Variants in PDE1C observed in about 807,000 individuals in gnomAD.
PDE1C encodes the protein dual specificity calcium/calmodulin-dependent 3',5'-cyclic nucleotide phosphodiesterase 1C.
PDE1C carries 62 observed loss-of-function variants against 93.1 expected under a neutral mutation model. That is an observed-to-expected ratio of 0.67 (90% confidence interval 0.54 to 0.82). The LOEUF (loss-of-function observed/expected upper bound fraction) is 0.82. PDE1C is among the 40% of genes least tolerant of loss of function. The pLI is 0.00. For missense variants in PDE1C, 742 were observed against 884.6 expected (o/e 0.84, Z 2.04); for synonymous variants, 325 against 310.1 (o/e 1.05, Z -0.50).
At chr7:31,900,413 AC>A in intron 2 of PDE1C, among the ~76,000 whole-genome samples, 1 of 122,424 alleles carries the variant, frequency 8.2e-6, no homozygotes, top group South Asian at 2.3e-4. Context: ...ATTCCTGGCT[AC>A]CTTTTTTTTT....
At chr7:32,182,875 T>C (rs1803542187) in intron 2 of PDE1C, among the ~76,000 whole-genome samples, 1 of 152,180 alleles carries the variant, frequency 6.6e-6, no homozygotes, top group Non-Finnish European at 1.5e-5. Flanking sequence ...TGTTTGCAGA[T>C]GACAAGATTG....
At chr7:32,105,709 T>A (rs1472966580) in intron 3 of PDE1C, among the ~76,000 whole-genome samples, 1 of 151,802 alleles carries the variant, frequency 6.6e-6, no homozygotes, top group Non-Finnish European at 1.5e-5. Flanking sequence ...GACTTTTTTT[T>A]TTTTTTTTGT....
intron 3 of PDE1C, among the ~76,000 whole-genome samples, chr7:32,151,904 A>G (rs1261898116): frequency 6.6e-6 from 1 of 152,198 alleles, no homozygotes; most frequent in Non-Finnish European, 1.5e-5. Context: ...AGTTTTTTCT[A>G]CGTCATTTAT....
At chr7:32,417,232 C>A (rs1244560002) in intron 1 of PDE1C, among the ~76,000 whole-genome samples, 1 of 151,786 alleles carries the variant, frequency 6.6e-6, no homozygotes, top group Non-Finnish European at 1.5e-5. Flanking sequence ...TGGTACAAAG[C>A]ATGAGTGAAT....
the PDE1C span, among the ~76,000 whole-genome samples, chr7:31,617,733 A>ATACTC: frequency 6.6e-6 from 1 of 152,196 alleles, no homozygotes; most frequent in Non-Finnish European, 1.5e-5. Context: ...TTTAAGGATA[A>ATACTC]TACTCTACCT....
chr7:32,021,010 T>C (rs956097461), intron 2 of PDE1C, among the ~76,000 whole-genome samples: 1 of 152,092 alleles, frequency 6.6e-6, no homozygotes, highest in Admixed American at 6.6e-5. Context: ...AGTGCTAGCA[T>C]ATGAGGTAGC....
chr7:32,209,943 G>T (rs577541276), intron 1 of PDE1C, among the ~76,000 whole-genome samples: 1 of 152,194 alleles, frequency 6.6e-6, no homozygotes, highest in African/African-American at 2.4e-5. Context: ...GCATCGAAAT[G>T]AATCTGGTTT....
chr7:31,769,581 C>T (rs1284959539), intron 17 of PDE1C, among the ~76,000 whole-genome samples: 3 of 152,128 alleles, frequency 2.0e-5, no homozygotes, highest in Non-Finnish European at 2.9e-5. Flanking sequence ...GTCTATCTTC[C>T]ATGCTTTTAA....
intron 1 of PDE1C, among the ~76,000 whole-genome samples, chr7:32,416,779 T>A (rs1253403127): frequency 6.6e-6 from 1 of 152,070 alleles, no homozygotes; most frequent in East Asian, 1.9e-4. Flanking sequence ...GTGAAGAGTC[T>A]GGGGGTCAAG....
chr7:32,403,910 A>G (rs1056269078), intron 1 of PDE1C, among the ~76,000 whole-genome samples: 1 of 152,110 alleles, frequency 6.6e-6, no homozygotes, highest in Non-Finnish European at 1.5e-5. Context: ...TTTTTATTTC[A>G]AGGACAGTGA....
At chr7:31,799,052 G>A (rs879594564) in intron 16 of PDE1C, among the ~76,000 whole-genome samples, 1 of 151,622 alleles carries the variant, frequency 6.6e-6, no homozygotes, top group Non-Finnish European at 1.5e-5. Flanking sequence ...CTGGAATACA[G>A]GTGTCCATGC....
intron 3 of PDE1C, among the ~76,000 whole-genome samples, chr7:32,078,455 G>T (rs1257832777): frequency 2.0e-5 from 3 of 152,152 alleles, no homozygotes; most frequent in Non-Finnish European, 4.4e-5. Flanking sequence ...CTTGAAGAAA[G>T]GAGGTCTCTT....
At chr7:31,951,089 A>T (rs1431427620) in intron 2 of PDE1C, among the ~76,000 whole-genome samples, 1 of 152,116 alleles carries the variant, frequency 6.6e-6, no homozygotes, top group Admixed American at 6.5e-5. Flanking sequence ...GTACATATCC[A>T]TTCCCAGTGT....
At chr7:31,718,284 G>C in the PDE1C span, among the ~76,000 whole-genome samples, 2 of 152,008 alleles carry the variant, frequency 1.3e-5, no homozygotes, top group Non-Finnish European at 2.9e-5. Flanking sequence ...CCGGGAGGAA[G>C]GCTTGGAAAA....
At chr7:32,313,684 A>G (rs1783104591) in intron 1 of PDE1C, among the ~76,000 whole-genome samples, 1 of 146,778 alleles carries the variant, frequency 6.8e-6, no homozygotes, top group African/African-American at 2.5e-5. Context: ...GTTCTCACTC[A>G]TAGGTGGGAA....
At chr7:32,318,269 C>A (rs956252010) in intron 1 of PDE1C, among the ~76,000 whole-genome samples, 4 of 152,146 alleles carry the variant, frequency 2.6e-5, no homozygotes, top group Admixed American at 2.6e-4. Flanking sequence ...AGAATCCAAA[C>A]CAAACCCCCC....
At chr7:32,151,598 C>A in intron 3 of PDE1C, among the ~76,000 whole-genome samples, 1 of 152,150 alleles carries the variant, frequency 6.6e-6, no homozygotes, top group Non-Finnish European at 1.5e-5. Context: ...ACATAGATGG[C>A]TTTTTAAGTA....
At chr7:31,633,570 A>C in the PDE1C span, among the ~76,000 whole-genome samples, 1 of 152,234 alleles carries the variant, frequency 6.6e-6, no homozygotes, top group East Asian at 1.9e-4. Context: ...GGTCTGAACA[A>C]TTCACACTAC....
In PDE1C at chr7:31,870,956, A is replaced by G. The variant is rs148210074; in HGVS notation, c.609+2336T>C. Reference sequence around the variant, plus strand: ...ATTAGTATAAAATAGTATTTTTAGTATACTTTTATGCTAATAGTATATTTT... The same window carrying G: ...ATTAGTATAAAATAGTATTTTTAGTGTACTTTTATGCTAATAGTATATTTT... On this transcript the variant is annotated intron_variant, in intron 6 of 17. Transcript: ENST00000396191. Among the ~76,000 whole-genome samples the G allele has an allele frequency of 9.1e-4, 138 of 151,432 alleles. 2 individuals carry two copies. The highest frequency in any genetic ancestry group is 5.8e-4 in the East Asian group (3 of 5,150).
Sources: allele counts gnomAD v4.1 joint callset (sites outside exome capture counted in the v4.1 genomes callset), GRCh38; gene constraint gnomAD v4.1.1; transcripts MANE v1.5; gene names NCBI Gene and HGNC (gene_info 2026-07-23, HGNC 2026-07-21).